Variants in ZNF420 observed in about 807,000 individuals in gnomAD.
ZNF420 encodes the protein zinc finger protein 420.
ZNF420 carries 31 observed loss-of-function variants against 44.7 expected under a neutral mutation model. The ratio of observed to expected loss-of-function variants is 0.69; its 90% CI spans 0.52 to 0.94. ZNF420 has a LOEUF of 0.94. Ranked by LOEUF, ZNF420 falls within the 40% of genes least tolerant of loss-of-function variation. The probability of loss-of-function intolerance (pLI) is 0.00; values close to 1 mark genes in which losing one functional copy is unlikely to be tolerated. For missense variants in ZNF420, 681 were observed against 827.9 expected, an observed-to-expected ratio of 0.82 and a Z score of 2.18; for synonymous variants, 245 against 267.4, an observed-to-expected ratio of 0.92 and a Z score of 0.82.
At chr19:37,061,212 T>G (rs1195805035) in intron 1 of ZNF420, among the ~76,000 whole-genome samples, 1 of 152,226 alleles carries the variant, frequency 6.6e-6, no homozygotes, top group African/African-American at 2.4e-5. Context: ...GTGGTCACAC[T>G]GGCTCTACTT....
At chr19:37,058,437 C>T (rs1967798814) in intron 1 of ZNF420, among the ~76,000 whole-genome samples, 1 of 152,154 alleles carries the variant, frequency 6.6e-6, no homozygotes, top group Non-Finnish European at 1.5e-5. Context: ...TCTGGATGGA[C>T]TGCCTCCCAG....
chr19:37,037,019 G>A (rs1437643202), intron 1 of ZNF420, among the ~76,000 whole-genome samples: 1 of 152,160 alleles, frequency 6.6e-6, no homozygotes, highest in African/African-American at 2.4e-5. Context: ...CCCTTTCATC[G>A]TAGGTAGCCC....
intron 4 of ZNF420, among the ~76,000 whole-genome samples, chr19:37,097,951 T>C (rs1466074048): frequency 2.0e-5 from 3 of 152,168 alleles, no homozygotes; most frequent in Non-Finnish European, 4.4e-5. Flanking sequence ...ACAACAGTTA[T>C]GTACGATTGG....
chr19:37,106,691 A>C (rs1314785465), intron 4 of ZNF420: 1 of 152,184 alleles, frequency 6.6e-6, no homozygotes, highest in Non-Finnish European at 1.5e-5. Flanking sequence ...GTTTCTCGTC[A>C]GGTGGAACGA....
intron 4 of ZNF420, among the ~76,000 whole-genome samples, chr19:37,126,687 C>T (rs962348982): frequency 6.6e-6 from 1 of 152,156 alleles, no homozygotes; most frequent in Non-Finnish European, 1.5e-5. Flanking sequence ...GGCTTGAGAA[C>T]TACTCACTTT....
intron 1 of ZNF420, among the ~76,000 whole-genome samples, chr19:37,043,518 C>CTTAT (rs529994921): frequency 3.9e-5 from 6 of 152,128 alleles, no homozygotes; most frequent in East Asian, 1.9e-4. Flanking sequence ...TTTTAAATTC[C>CTTAT]TTATTTATTT....
chr19:37,055,628 G>A (rs536012891), intron 1 of ZNF420, among the ~76,000 whole-genome samples: 1 of 152,296 alleles, frequency 6.6e-6, no homozygotes, highest in South Asian at 2.1e-4. Context: ...TGCATGAGGC[G>A]ACACCGCTAC....
At chr19:37,119,194 A>G (rs891701064) in intron 4 of ZNF420, among the ~76,000 whole-genome samples, 5 of 151,994 alleles carry the variant, frequency 3.3e-5, no homozygotes, top group African/African-American at 4.8e-5. Context: ...CACCACACCT[A>G]TTCCAAAACT....
At chr19:37,114,786 A>G (rs113238856) in intron 4 of ZNF420, among the ~76,000 whole-genome samples, 2,930 of 152,224 alleles carry the variant, frequency 0.019, 77 homozygotes, top group East Asian at 0.05. Context: ...TGTTTGAAAC[A>G]GTTCTAAAGC....
intron 1 of ZNF420, among the ~76,000 whole-genome samples, chr19:37,026,854 C>G (rs1356347327): frequency 6.6e-6 from 1 of 152,202 alleles, no homozygotes; most frequent in African/African-American, 2.4e-5. Context: ...TTTACTGTCT[C>G]TCTGGCTTAA....
intron 4 of ZNF420, among the ~76,000 whole-genome samples, chr19:37,118,564 AT>A (rs1431536072): frequency 5.3e-5 from 8 of 152,198 alleles, no homozygotes; most frequent in African/African-American, 1.9e-4. Flanking sequence ...GCATCAACTA[AT>A]GAGCAAAATA....
chr19:37,125,038 A>G (rs1247829333), intron 4 of ZNF420, among the ~76,000 whole-genome samples: 1 of 152,024 alleles, frequency 6.6e-6, no homozygotes, highest in Non-Finnish European at 1.5e-5. Context: ...GGTTTTCACC[A>G]TGTTGGCCAG....
At chr19:37,047,778 G>C (rs777094855) in intron 1 of ZNF420, among the ~76,000 whole-genome samples, 2 of 152,146 alleles carry the variant, frequency 1.3e-5, no homozygotes, top group Non-Finnish European at 2.9e-5. Flanking sequence ...CTGCAGCAAC[G>C]TAAGTATTAA....
intron 1 of ZNF420, among the ~76,000 whole-genome samples, chr19:37,052,089 T>G (rs568131341): frequency 7.8e-4 from 119 of 152,306 alleles, no homozygotes; most frequent in Non-Finnish European, 1.4e-3. Flanking sequence ...GCTCTTCTTG[T>G]TGAATTGATC....
chr19:37,042,667 C>T (rs1359988879), intron 1 of ZNF420, among the ~76,000 whole-genome samples: 5 of 152,174 alleles, frequency 3.3e-5, no homozygotes, highest in Non-Finnish European at 4.4e-5. Flanking sequence ...AGGCACTATC[C>T]GTAGTAATTA....
intron 4 of ZNF420, among the ~76,000 whole-genome samples, chr19:37,121,229 A>G (rs1404617425): frequency 6.8e-6 from 1 of 147,656 alleles, no homozygotes; most frequent in Non-Finnish European, 1.5e-5. Context: ...AAACTATACT[A>G]CAAGGCTACA....
At chr19:37,043,395 C>T (rs978742855) in intron 1 of ZNF420, among the ~76,000 whole-genome samples, 3 of 152,220 alleles carry the variant, frequency 2.0e-5, no homozygotes, top group Admixed American at 2.0e-4. Flanking sequence ...AGTCCTTCAA[C>T]AACAAAGGCA....
intron 1 of ZNF420, among the ~76,000 whole-genome samples, chr19:37,009,836 G>T (rs574200369): frequency 6.6e-6 from 1 of 152,242 alleles, no homozygotes; most frequent in East Asian, 1.9e-4. Context: ...ACCCCAGCAG[G>T]CGCCCTGAAC....
chr19:37,012,760 A>ATGTGTGTGTGTGTG (rs780627236), intron 1 of ZNF420, among the ~76,000 whole-genome samples: 59 of 102,006 alleles, frequency 5.8e-4, no homozygotes, highest in Admixed American at 1.5e-3. Flanking sequence ...CCACTGCTAT[A>ATGTGTGTGTGTGTG]TGTCTCTGTG....
Sources: allele counts gnomAD v4.1 joint callset (sites outside exome capture counted in the v4.1 genomes callset), GRCh38; gene constraint gnomAD v4.1.1; transcripts MANE v1.5; gene names NCBI Gene and HGNC (gene_info 2026-07-23, HGNC 2026-07-21).